Variants in PKN2 observed in about 807,000 individuals in gnomAD.
The protein encoded by PKN2 is serine/threonine-protein kinase N2.
A neutral mutation model predicts 119.1 loss-of-function variants in PKN2; 38 were observed. The ratio of observed to expected loss-of-function variants is 0.32; its 90% CI spans 0.25 to 0.42. PKN2 has a LOEUF of 0.42. PKN2 is among the 10% of genes least tolerant of loss of function. The probability of loss-of-function intolerance (pLI) is 1.00; values close to 1 mark genes in which losing one functional copy is unlikely to be tolerated. For synonymous variants in PKN2, 390 were observed against 384.9 expected (o/e 1.01, Z -0.15); for missense variants, 850 against 1,165.1 (o/e 0.73, Z 3.94).
chr1:88,765,668 T>C (rs187017406), intron 3 of PKN2, among the ~76,000 whole-genome samples: 4 of 150,654 alleles, frequency 2.7e-5, no homozygotes, highest in East Asian at 1.9e-4. Context: ...TTGTTGTTGT[T>C]GTCGTCGTCG....
At chr1:88,764,106 A>G (rs1319985050) in intron 3 of PKN2, among the ~76,000 whole-genome samples, 3 of 152,174 alleles carry the variant, frequency 2.0e-5, no homozygotes, top group Non-Finnish European at 4.4e-5. Flanking sequence ...CAAAATTCTT[A>G]TTCTGACTCT....
intron 1 of PKN2, among the ~76,000 whole-genome samples, chr1:88,731,027 A>T (rs1230448872): frequency 6.6e-6 from 1 of 152,208 alleles, no homozygotes; most frequent in Non-Finnish European, 1.5e-5. Flanking sequence ...CTGCTCTTTC[A>T]AATTATATTT....
intron 1 of PKN2, among the ~76,000 whole-genome samples, chr1:88,694,013 T>C (rs897995574): frequency 6.6e-6 from 1 of 152,190 alleles, no homozygotes; most frequent in Non-Finnish European, 1.5e-5. Flanking sequence ...CACAGCAAAA[T>C]CGAGAGGAAG....
chr1:88,801,835 T>A (rs542120278), intron 8 of PKN2, among the ~76,000 whole-genome samples: 1 of 152,332 alleles, frequency 6.6e-6, no homozygotes, highest in South Asian at 2.1e-4. Flanking sequence ...TATATATCCC[T>A]TATGCATTTG....
rs529446809 is a variant in PKN2, at chr1:88,722,179, G to A, written c.49-18809G>A. Reference sequence around the variant, plus strand: ...ACATAAGATTATAAGAATGTGGAATGTGCAGATAAGACAGGGAAATTAGTC... The same window carrying A: ...ACATAAGATTATAAGAATGTGGAATATGCAGATAAGACAGGGAAATTAGTC... On this transcript the variant is annotated intron_variant, in intron 1 of 21. Transcript: ENST00000370521. 3.9e-5 allele frequency among the ~76,000 whole-genome samples: 6 copies of A among 152,270 alleles called. No individual in the cohort carries two copies. In the South Asian group the frequency reaches 1.0e-3, roughly 26 times the overall value.
At chr1:88,717,043 T>G (rs1289931535) in intron 1 of PKN2, among the ~76,000 whole-genome samples, 2 of 152,206 alleles carry the variant, frequency 1.3e-5, no homozygotes, top group African/African-American at 2.4e-5. Context: ...TTATTTCTCC[T>G]TCACTTATGA....
chr1:88,731,685 C>T (rs1557572889), intron 1 of PKN2, among the ~76,000 whole-genome samples: 1 of 152,200 alleles, frequency 6.6e-6, no homozygotes, highest in Non-Finnish European at 1.5e-5. Context: ...TCTAACATTT[C>T]TTGGCATCTA....
At chr1:88,814,931 C>T (rs1162197125) in intron 16 of PKN2, among the ~76,000 whole-genome samples, 3 of 152,116 alleles carry the variant, frequency 2.0e-5, no homozygotes, top group African/African-American at 7.2e-5. Context: ...TTGTCATAAC[C>T]ATTAGAGGTA....
At chr1:88,729,571 C>T (rs1180492631) in intron 1 of PKN2, among the ~76,000 whole-genome samples, 1 of 152,178 alleles carries the variant, frequency 6.6e-6, no homozygotes. Context: ...TGTTGTCTCT[C>T]TTTCAAGCAG....
At chr1:88,690,444 G>A (rs916216161) in intron 1 of PKN2, among the ~76,000 whole-genome samples, 1 of 152,084 alleles carries the variant, frequency 6.6e-6, no homozygotes, top group Non-Finnish European at 1.5e-5. Context: ...TATTTCAAAA[G>A]CCAATTTTAC....
At chr1:88,759,950 C>T (rs913582859) in intron 2 of PKN2, among the ~76,000 whole-genome samples, 7 of 151,924 alleles carry the variant, frequency 4.6e-5, no homozygotes, top group Admixed American at 2.0e-4. Flanking sequence ...GGAGAAACCA[C>T]GGACAATCAT....
intron 17 of PKN2, among the ~76,000 whole-genome samples, chr1:88,823,472 CAG>C (rs775257095): frequency 6.6e-6 from 1 of 151,968 alleles, no homozygotes; most frequent in Non-Finnish European, 1.5e-5. Context: ...GAGGCCGAGG[CAG>C]GTGGATCACC....
intron 1 of PKN2, among the ~76,000 whole-genome samples, chr1:88,713,421 C>T (rs1332738164): frequency 6.6e-6 from 1 of 152,180 alleles, no homozygotes; most frequent in Non-Finnish European, 1.5e-5. Flanking sequence ...TATTTCTCCA[C>T]ATCCTCTCCA....
chr1:88,708,546 T>C (rs10801681), intron 1 of PKN2, among the ~76,000 whole-genome samples: 76,694 of 151,108 alleles, frequency 0.51, 20,090 homozygotes, highest in Middle Eastern at 0.7. Context: ...CAACATAATG[T>C]AGTGCCTCAT....
In PKN2 at chr1:88,813,574, G is replaced by T. The variant is rs1570670588; in HGVS notation, c.2120G>T (p.Arg707Ile). ...TTTTACAGCCTGATGTGTGAAAAAAGAATTTTTGAAACTGTGAATAGTGTA... is the reference window on the plus strand; with the variant it reads ...TTTTACAGCCTGATGTGTGAAAAAATAATTTTTGAAACTGTGAATAGTGTA... ...DEVDSLMCEK[R>I]IFETVNSVRH... Residue 707 changes from arginine (R) to isoleucine (I), a missense_variant, in exon 16 of 22, where the codon AGA (arginine) becomes ATA (isoleucine). Physicochemically the swap from Arg to Ile is moderately conservative, Grantham distance 97. Around this residue, in one of 9 missense-constraint regions of PKN2, gnomAD observed 216 missense variants for 252.8 expected, o/e 0.85. Coordinates refer to ENST00000370521, the MANE Select transcript of PKN2 (RefSeq NM_006256.4). The T allele has an allele frequency of 1.9e-6, 3 of 1,588,004 alleles. No homozygotes were observed. The highest frequency in any genetic ancestry group is 1.2e-5 in the South Asian group (1 of 86,128).
intron 6 of PKN2, among the ~76,000 whole-genome samples, chr1:88,776,818 A>C (rs1342175858): frequency 6.6e-6 from 1 of 151,340 alleles, no homozygotes; most frequent in Non-Finnish European, 1.5e-5. Flanking sequence ...AATGTTACTG[A>C]GGATCCCTTG....
intron 16 of PKN2, among the ~76,000 whole-genome samples, chr1:88,817,708 CAAAAAA>C (rs55863627): frequency 3.0e-5 from 4 of 133,016 alleles, no homozygotes; most frequent in Non-Finnish European, 6.5e-5. Flanking sequence ...GACTCCGTCT[CAAAAAA>C]AAAAAAAAGA....
At chr1:88,703,428 A>G (rs1224194921) in intron 1 of PKN2, among the ~76,000 whole-genome samples, 1 of 152,046 alleles carries the variant, frequency 6.6e-6, no homozygotes, top group Non-Finnish European at 1.5e-5. Context: ...ATATTGGCTT[A>G]TTTTTGTTAT....
At chr1:88,748,227 C>G (rs1323329333) in intron 2 of PKN2, among the ~76,000 whole-genome samples, 1 of 152,196 alleles carries the variant, frequency 6.6e-6, no homozygotes, top group Non-Finnish European at 1.5e-5. Context: ...CTATACATCT[C>G]CCTCATGTTC....
Sources: allele counts gnomAD v4.1 joint callset (sites outside exome capture counted in the v4.1 genomes callset), GRCh38; gene constraint gnomAD v4.1.1; regional missense constraint gnomAD v4.1.1; transcripts MANE v1.5; gene names NCBI Gene and HGNC (gene_info 2026-07-23, HGNC 2026-07-21).